The following GSG1L variants were observed in gnomAD, a reference collection of about 807,000 sequenced individuals.
GSG1L encodes GSG1 like.
In GSG1L, 24 loss-of-function variants were observed where a neutral mutation model predicts 42.1. The ratio of observed to expected loss-of-function variants is 0.57; its 90% confidence interval spans 0.41 to 0.80. GSG1L has a LOEUF of 0.80. GSG1L is among the 30% of genes least tolerant of loss of function. The pLI is 0.00. For missense variants in GSG1L, 445 were observed against 472.2 expected (o/e 0.94, Z 0.53); for synonymous variants, 215 against 203.5 (o/e 1.06, Z -0.48).
intron 2 of GSG1L, among the ~76,000 whole-genome samples, chr16:27,905,710 C>T (rs777207876): frequency 3.9e-5 from 6 of 152,090 alleles, no homozygotes; most frequent in Non-Finnish European, 8.8e-5. Context: ...GAAGAATGTA[C>T]TTCTTCTGTC....
intron 2 of GSG1L, among the ~76,000 whole-genome samples, chr16:27,957,767 G>A (rs2085022761): frequency 6.6e-6 from 1 of 152,182 alleles, no homozygotes; most frequent in Admixed American, 6.5e-5. Flanking sequence ...AGGTTTATTT[G>A]GCTCACAATT....
chr16:27,808,449 C>T (rs1398706982), intron 5 of GSG1L, among the ~76,000 whole-genome samples: 4 of 149,172 alleles, frequency 2.7e-5, no homozygotes, highest in South Asian at 2.1e-4. Flanking sequence ...CATGGAGTCT[C>T]GCTCTGTTGC....
At chr16:27,830,921 T>C (rs536155393) in intron 4 of GSG1L, among the ~76,000 whole-genome samples, 27 of 152,392 alleles carry the variant, frequency 1.8e-4, no homozygotes, top group Middle Eastern at 3.4e-3. Context: ...GTAACCACAC[T>C]CCAATTCTGT....
chr16:28,020,988 A>T (rs2085836122), intron 1 of GSG1L, among the ~76,000 whole-genome samples: 1 of 152,160 alleles, frequency 6.6e-6, no homozygotes, highest in South Asian at 2.1e-4. Context: ...CAAATTCCTG[A>T]TCTACAGAAA....
At chr16:28,057,670 G>C (rs1426562146) in intron 1 of GSG1L, among the ~76,000 whole-genome samples, 1 of 152,226 alleles carries the variant, frequency 6.6e-6, no homozygotes, top group Non-Finnish European at 1.5e-5. Context: ...CGGGTCAGAT[G>C]GCAGCAAGTC....
chr16:27,923,788 AAGAC>A (rs1257551122), intron 2 of GSG1L, among the ~76,000 whole-genome samples: 39 of 151,932 alleles, frequency 2.6e-4, no homozygotes, highest in African/African-American at 8.4e-4. Flanking sequence ...GAGAGAAAGA[AAGAC>A]AGAGAGAGAG....
intron 1 of GSG1L, among the ~76,000 whole-genome samples, chr16:27,989,256 T>A (rs546899818): frequency 3.1e-4 from 47 of 152,234 alleles, no homozygotes; most frequent in African/African-American, 1.1e-3. Context: ...TCATCCAGGA[T>A]CCTATTTTGA....
At chr16:27,841,982 T>C (rs2083386525) in intron 4 of GSG1L, among the ~76,000 whole-genome samples, 2 of 152,226 alleles carry the variant, frequency 1.3e-5, no homozygotes, top group Non-Finnish European at 2.9e-5. Context: ...AGCATCTGCA[T>C]ATGCAACACG....
At chr16:28,000,340 AAGTT>A (rs1441626489) in intron 1 of GSG1L, among the ~76,000 whole-genome samples, 6 of 152,144 alleles carry the variant, frequency 3.9e-5, no homozygotes, top group Admixed American at 2.6e-4. Flanking sequence ...TAAAAATAAA[AAGTT>A]AGGCCACCTC....
In GSG1L at chr16:27,938,102, G is replaced by A. The variant is rs367603760; in HGVS notation, c.397+25054C>T. On this transcript the variant is annotated intron_variant, in intron 2 of 6. Transcript: ENST00000447459. ...CAGCTCAGGTCCAGTGAGCTGAGGC[G>A]AGGGGTAGGGTTGCACCATGCAGAG... Among the ~76,000 whole-genome samples the A allele has an allele frequency of 3.9e-5, 6 of 152,284 alleles. No homozygotes were observed. In the East Asian group the frequency reaches 7.7e-4, roughly 20 times the overall value.
At chr16:27,967,168 A>G (rs2085145134) in intron 1 of GSG1L, among the ~76,000 whole-genome samples, 1 of 152,210 alleles carries the variant, frequency 6.6e-6, no homozygotes, top group African/African-American at 2.4e-5. Flanking sequence ...GGCATTCTCA[A>G]CTAATTTGTC....
intron 2 of GSG1L, among the ~76,000 whole-genome samples, chr16:27,888,640 C>A (rs1241615070): frequency 6.7e-6 from 1 of 150,370 alleles, no homozygotes; most frequent in Non-Finnish European, 1.5e-5. Flanking sequence ...TTCTTTAAGA[C>A]CGACTCTCAC....
chr16:27,856,957 C>T (rs1250339875), intron 3 of GSG1L, among the ~76,000 whole-genome samples: 1 of 152,176 alleles, frequency 6.6e-6, no homozygotes, highest in African/African-American at 2.4e-5. Context: ...TAGGTGCACA[C>T]ACCAGTTCTC....
intron 1 of GSG1L, among the ~76,000 whole-genome samples, chr16:27,993,786 G>C (rs1019881180): frequency 6.6e-6 from 1 of 152,178 alleles, no homozygotes. Context: ...GATAAGAAAG[G>C]CTACACAGAT....
At chr16:27,791,584 C>T (rs1013465828) in intron 6 of GSG1L, 117 bp from the exon 7 acceptor site, 4 of 566,438 alleles carry the variant, frequency 7.1e-6, no homozygotes, top group Non-Finnish European at 8.3e-6. Context: ...GGCCTTCTGC[C>T]CATCATGCCT....
chr16:27,880,700 T>C (rs1645364), intron 3 of GSG1L, among the ~76,000 whole-genome samples: 95,341 of 151,988 alleles, frequency 0.63, 30,523 homozygotes, highest in Admixed American at 0.75. Flanking sequence ...AGTCCCCCAC[T>C]TCCTGCCCCA....
intron 1 of GSG1L, among the ~76,000 whole-genome samples, chr16:28,035,748 T>C (rs1029368011): frequency 1.3e-5 from 2 of 152,168 alleles, no homozygotes; most frequent in African/African-American, 4.8e-5. Flanking sequence ...AACCCCTCAT[T>C]GCCCAGATGG....
chr16:27,863,944 G>A (rs1456410611), intron 3 of GSG1L, among the ~76,000 whole-genome samples: 1 of 152,234 alleles, frequency 6.6e-6, no homozygotes, highest in East Asian at 1.9e-4. Context: ...GTAATGGAAA[G>A]TTGTAGGGAT....
At chr16:27,822,437 G>C (rs1011225125) in intron 5 of GSG1L, among the ~76,000 whole-genome samples, 17 of 152,098 alleles carry the variant, frequency 1.1e-4, no homozygotes, top group African/African-American at 4.1e-4. Context: ...GGTTTTTCAA[G>C]ACAGGTTCTT....
Sources: allele counts gnomAD v4.1 joint callset (sites outside exome capture counted in the v4.1 genomes callset), GRCh38; gene constraint gnomAD v4.1.1; transcripts MANE v1.5; gene names NCBI Gene and HGNC (gene_info 2026-07-23, HGNC 2026-07-21).